ELF3: variants seen among roughly 807,000 people sequenced by gnomAD.
ELF3 encodes the protein E74 like ETS transcription factor 3.
A neutral mutation model predicts 43.9 loss-of-function variants in ELF3; 18 were observed. The ratio of observed to expected loss-of-function variants is 0.41; its 90% confidence interval spans 0.28 to 0.61. The LOEUF (loss-of-function observed/expected upper bound fraction) is 0.61, where lower values mean the gene tolerates loss of function less well. Ranked by LOEUF, ELF3 falls within the 20% of genes least tolerant of loss-of-function variation. The pLI is 0.30. For missense variants in ELF3, 373 were observed against 487.7 expected (o/e 0.76, Z 2.21); for synonymous variants, 181 against 190.2 (o/e 0.95, Z 0.40).
In ELF3 at chr1:202,012,636, C is replaced by T. The variant is rs375527447; in HGVS notation, c.479-4C>T. The T allele has an allele frequency of 8.6e-5, 136 of 1,588,744 alleles. No individual in the cohort carries two copies. The highest frequency in any genetic ancestry group is 1.1e-4 in the Non-Finnish European group (133 of 1,166,820). ...CTCTCTGAGTTCTCACCTCCTCTTC[C>T]CAGACCAGGGCAGCCCCTTTGCCCA... On this transcript the variant is annotated splice_region_variant and splice_polypyrimidine_tract_variant and intron_variant, in intron 4 of 8. Transcript: ENST00000367284. This position sits in a 1 kb window ranked among gnomAD's most constrained non-coding sequence, Gnocchi z 4.2.
Position 202,012,878 on chromosome 1 carries a change from C to T in ELF3, c.599-69C>T, listed in dbSNP as rs552102321. 1.3e-4 allele frequency: 209 copies of T among 1,563,816 alleles called. No individual in the cohort carries two copies. The highest frequency in any genetic ancestry group is 6.5e-4 in the Admixed American group (35 of 53,956). ...ACAGGAACAGGCTGGGAAGTGTGTC[C>T]TGAGAGCCAGCAGCGTGGTTGAGCA... On this transcript the variant is annotated intron_variant, in intron 5 of 8. Coordinates refer to ENST00000367284, the MANE Select transcript of ELF3 (RefSeq NM_004433.5). The surrounding 1 kb of genome is among the most constrained non-coding windows in gnomAD (Gnocchi z 4.2).
Position 202,015,415 on chromosome 1 carries a change from T to G in ELF3, c.*92T>G. 1 of 1,196,268 alleles carries G rather than the reference T, an allele frequency of 8.4e-7. No individual in the cohort carries two copies. The highest frequency in any genetic ancestry group is 1.2e-6 in the Non-Finnish European group (1 of 825,688). The allele number at this position is 1,196,268 out of a possible 1,614,324, so 74.1% of individuals were successfully genotyped here. A position where few individuals can be genotyped will look rare whatever the true frequency, so the allele number is the denominator to read the frequency against. On this transcript the variant is annotated 3_prime_UTR_variant, in exon 9 of 9. Coordinates refer to ENST00000367284, the MANE Select transcript of ELF3 (RefSeq NM_004433.5). Reference sequence around the variant, plus strand: ...CAGGCAGGCCAGATGGCCCCTCCACTGGGGAATGCTCCCAGCTGTGCTGTG... The same window carrying G: ...CAGGCAGGCCAGATGGCCCCTCCACGGGGGAATGCTCCCAGCTGTGCTGTG...
chr1:202,012,910 G>A lies in ELF3; in HGVS notation c.599-37G>A. On this transcript the variant is annotated intron_variant, in intron 5 of 8. Coordinates refer to ENST00000367284, the MANE Select transcript of ELF3 (RefSeq NM_004433.5). The surrounding 1 kb of genome is among the most constrained non-coding windows in gnomAD (Gnocchi z 4.2). ...CCAGCAGCGTGGTTGAGCAGAGGGT[G>A]GGCCGGCAGGGGACTTACTCTGACC... is the stretch of plus-strand genomic sequence containing the variant. 6.3e-7 allele frequency: 1 copy of A among 1,585,320 alleles called. No individual in the cohort carries two copies. Among genetic ancestry groups the A allele is most frequent in the Non-Finnish European group, 8.6e-7 (1 of 1,167,292 alleles).
chr1:202,013,428 C>T lies in ELF3; in HGVS notation c.805+130C>T. On this transcript the variant is annotated intron_variant, in intron 7 of 8. Transcript: ENST00000367284. This position sits in a 1 kb window ranked among gnomAD's most constrained non-coding sequence, Gnocchi z 5.7. Reference sequence around the variant, plus strand: ...GCATGGCCTTTGGTAAGGCTGTGCACAAGCTGGGGGCTCTATGGTATCGGT... The same window carrying T: ...GCATGGCCTTTGGTAAGGCTGTGCATAAGCTGGGGGCTCTATGGTATCGGT... The T allele has an allele frequency of 3.3e-6, 3 of 912,802 alleles. No individual in the cohort carries two copies. The Admixed American group carries it at 7.0e-5, about 21-fold the overall frequency. The allele number at this position is 912,802 out of a possible 1,614,324, so 56.5% of individuals were successfully genotyped here. A position where few individuals can be genotyped will look rare whatever the true frequency, so the allele number is the denominator to read the frequency against.
Position 202,016,170 on chromosome 1 carries a change from C to G in ELF3, c.*847C>G, listed in dbSNP as rs1370839213. ...TGTAGCAGGTGTGGGCTTACAGACA[C>G]ATGGACTGGGCTGGGAGGCGAGCAA... On this transcript the variant is annotated 3_prime_UTR_variant, in exon 9 of 9. Transcript: ENST00000367284. 6.5e-6 allele frequency: 1 copy of G among 152,914 alleles called. No homozygotes were observed. The highest frequency in any genetic ancestry group is 1.5e-5 in the Non-Finnish European group (1 of 68,310). The allele number at this position is 152,914 out of a possible 1,614,324, so 9.5% of individuals were successfully genotyped here. A position where few individuals can be genotyped will look rare whatever the true frequency, so the allele number is the denominator to read the frequency against.
rs1684309472 is a variant in ELF3 at position 202,016,325 on chromosome 1, T to C, written c.*1002T>C. The C allele has an allele frequency of 6.6e-6, 1 of 152,268 alleles. No homozygotes were observed. Among genetic ancestry groups the C allele is most frequent in the Non-Finnish European group, 1.5e-5 (1 of 68,056 alleles). 9.4% of individuals were successfully genotyped at this position (152,268 alleles called of 1,614,324 possible). A position where few individuals can be genotyped will look rare whatever the true frequency, so the allele number is the denominator to read the frequency against. The stretch of plus-strand genomic sequence containing the variant: ...TCGAGTGACCTTGACCTTGACCAAG[T>C]CTGTCCTGTTTAGGACTGATTTTTC... On this transcript the variant is annotated 3_prime_UTR_variant, in exon 9 of 9. Transcript: ENST00000367284.
In ELF3 at chr1:202,013,986, C is replaced by T. The variant is rs1472598927; in HGVS notation, c.963C>T (p.Asn321=). 1 of 1,613,730 alleles carries T rather than the reference C, an allele frequency of 6.2e-7. No individual in the cohort carries two copies. The highest frequency in any genetic ancestry group is 1.7e-5 in the Admixed American group (1 of 59,968). Residue 321 remains asparagine (N), a synonymous_variant, in exon 8 of 9, where the codon AAC becomes AAT. Transcript: ENST00000367284. This position sits in a 1 kb window ranked among gnomAD's most constrained non-coding sequence, Gnocchi z 5.7. The part of the protein sequence containing the change: ...VAQLWGQKKK[N]SNMTYEKLSR... ...AACTATGGGGCCAAAAGAAAAAGAA[C>T]AGCAACATGACCTACGAGAAGCTGA...
In ELF3 at chr1:202,016,819, A is replaced by G. The variant is rs2102996105; in HGVS notation, c.*1496A>G. 1 of 152,270 alleles carries G rather than the reference A, an allele frequency of 6.6e-6. No individual in the cohort carries two copies. The highest frequency in any genetic ancestry group is 1.9e-4 in the East Asian group (1 of 5,178). The allele number at this position is 152,270 out of a possible 1,614,324, so 9.4% of individuals were successfully genotyped here. A position where few individuals can be genotyped will look rare whatever the true frequency, so the allele number is the denominator to read the frequency against. On this transcript the variant is annotated 3_prime_UTR_variant, in exon 9 of 9. Coordinates refer to ENST00000367284, the MANE Select transcript of ELF3 (RefSeq NM_004433.5). ...TCATTTAATCCTCTCCTAAGAAGAGAGGAGACACAGCGTCCCCATTTGACA... is the reference window on the plus strand; with the variant it reads ...TCATTTAATCCTCTCCTAAGAAGAGGGGAGACACAGCGTCCCCATTTGACA...
rs935518880 is a variant in ELF3 at position 202,013,327 on chromosome 1, C to A, written c.805+29C>A. ...AGCTCCGGGGGCACGTGGGTCCTCC[C>A]TGCGCCGGGCTGAGCGGCTTCCTGG... On this transcript the variant is annotated intron_variant, in intron 7 of 8. Coordinates refer to ENST00000367284, the MANE Select transcript of ELF3 (RefSeq NM_004433.5). The surrounding 1 kb of genome is among the most constrained non-coding windows in gnomAD (Gnocchi z 5.7). The A allele has an allele frequency of 5.0e-6, 8 of 1,601,552 alleles. No homozygotes were observed. In the African/African-American group the frequency reaches 1.1e-4, roughly 21 times the overall value.
chr1:202,011,894 A>AAAGG, intron 2 of ELF3, 63 bp from the exon 3 acceptor site: 3 of 1,475,974 alleles, frequency 2.0e-6, no homozygotes, highest in African/African-American at 1.5e-5. Flanking sequence ...AAAAAAAAAA[A>AAAGG]TGGGGCTGTA....
chr1:202,012,293 C>A lies in ELF3; in HGVS notation c.386-51C>A. Reference sequence around the variant, plus strand: ...GGGCCAGCTGCACAGCCAGAGAGAGCCCTTGAGGGAGGGATTAGGGGAGTG... The same window carrying A: ...GGGCCAGCTGCACAGCCAGAGAGAGACCTTGAGGGAGGGATTAGGGGAGTG... On this transcript the variant is annotated intron_variant, in intron 3 of 8. Coordinates refer to ENST00000367284, the MANE Select transcript of ELF3 (RefSeq NM_004433.5). The surrounding 1 kb of genome is among the most constrained non-coding windows in gnomAD (Gnocchi z 4.2). 1 of 1,609,396 alleles carries A rather than the reference C, an allele frequency of 6.2e-7. No individual in the cohort carries two copies. The highest frequency in any genetic ancestry group is 8.5e-7 in the Non-Finnish European group (1 of 1,177,042).
Position 202,010,946 on chromosome 1 carries a change from G to A in ELF3, c.-8-183G>A. The A allele has an allele frequency of 1.6e-6, 1 of 612,022 alleles. No homozygotes were observed. Among genetic ancestry groups the A allele is most frequent in the South Asian group, 2.1e-5 (1 of 48,208 alleles). 37.9% of individuals were successfully genotyped at this position (612,022 alleles called of 1,614,324 possible). A position where few individuals can be genotyped will look rare whatever the true frequency, so the allele number is the denominator to read the frequency against. On this transcript the variant is annotated intron_variant, in intron 1 of 8. Transcript: ENST00000367284. The surrounding 1 kb of genome is among the most constrained non-coding windows in gnomAD (Gnocchi z 4.3). The stretch of plus-strand genomic sequence containing the variant: ...GAGGGAAGCCCAGCTGGAGGCTCCT[G>A]TGGTCCTGCCCTGGTCTGAGATCTT...
In ELF3 at chr1:202,012,019, A is replaced by T. The variant is rs1684207986; in HGVS notation, c.226A>T (p.Ile76Phe). 6.2e-7 allele frequency: 1 copy of T among 1,614,068 alleles called. No individual in the cohort carries two copies. Among genetic ancestry groups the T allele is most frequent in the Non-Finnish European group, 8.5e-7 (1 of 1,180,046 alleles). Residue 76 changes from isoleucine (I) to phenylalanine (F), a missense_variant, in exon 3 of 9, where the codon ATC becomes TTC. Physicochemically the swap from Ile to Phe is conservative, Grantham distance 21. This residue lies in a region of ELF3 where 311 missense variants were observed against 351.2 expected (regional missense o/e 0.89). Coordinates refer to ENST00000367284, the MANE Select transcript of ELF3 (RefSeq NM_004433.5). This position sits in a 1 kb window ranked among gnomAD's most constrained non-coding sequence, Gnocchi z 4.2. The stretch of plus-strand genomic sequence containing the variant: ...GTCGAAGACGCAGGTTCTGGACTGG[A>T]TCAGCTACCAAGTGGAGAAGAACAA... ...FWSKTQVLDW[I>F]SYQVEKNKYD...
intron 2 of ELF3, chr1:202,011,515 C>T: frequency 1.8e-6 from 1 of 564,428 alleles, no homozygotes; most frequent in Non-Finnish European, 3.0e-6. Context: ...AATGCTACCT[C>T]CTGCCCCTAC....
chr1:202,012,702 C>T lies in ELF3; in HGVS notation c.541C>T (p.Pro181Ser). ...CGGTCAGCAAGCCAGCCCCTACCAC[C>T]CCGGCAGCTGTGGCGCAGGAGCCCC... ...DDGQQASPYH[P>S]GSCGAGAPSP... Residue 181 changes from proline to serine, a missense_variant, in exon 5 of 9, where the codon CCC (proline) becomes TCC (serine). By Grantham distance (74) the Pro-to-Ser change is moderately conservative. This residue lies in a region of ELF3 where 311 missense variants were observed against 351.2 expected (regional missense o/e 0.89). Coordinates refer to ENST00000367284, the MANE Select transcript of ELF3 (RefSeq NM_004433.5). The surrounding 1 kb of genome is among the most constrained non-coding windows in gnomAD (Gnocchi z 4.2). The T allele has an allele frequency of 6.2e-7, 1 of 1,608,412 alleles. No homozygotes were observed. The highest frequency in any genetic ancestry group is 1.1e-5 in the South Asian group (1 of 90,544).
At chr1:202,014,999 G>A in intron 8 of ELF3, 1 of 541,666 alleles carries the variant, frequency 1.8e-6, no homozygotes, top group African/African-American at 1.9e-5. Context: ...CTGTGTCCTG[G>A]GCACGGTTAC....
chr1:202,014,075 G>A (rs1273316752), intron 8 of ELF3, 51 bp downstream of exon 8: 19 of 1,541,200 alleles, frequency 1.2e-5, no homozygotes, highest in Non-Finnish European at 1.5e-5. Flanking sequence ...GGGGACAGGC[G>A]CTCACACTCC....
Position 202,012,271 on chromosome 1 carries a change from C to G in ELF3, c.386-73C>G, listed in dbSNP as rs1252739815. Reference sequence around the variant, plus strand: ...CGTAGGCAGGCCCTGGAGCTCTGGGCCAGCTGCACAGCCAGAGAGAGCCCT... The same window carrying G: ...CGTAGGCAGGCCCTGGAGCTCTGGGGCAGCTGCACAGCCAGAGAGAGCCCT... On this transcript the variant is annotated intron_variant, in intron 3 of 8. Coordinates refer to ENST00000367284, the MANE Select transcript of ELF3 (RefSeq NM_004433.5). The surrounding 1 kb of genome is among the most constrained non-coding windows in gnomAD (Gnocchi z 4.2). The G allele has an allele frequency of 1.9e-6, 3 of 1,605,574 alleles. No homozygotes were observed. In the African/African-American group the frequency reaches 4.0e-5, roughly 21 times the overall value.
rs1014811523 is a variant in ELF3 at position 202,016,282 on chromosome 1, C to G, written c.*959C>G. On this transcript the variant is annotated 3_prime_UTR_variant, in exon 9 of 9. Coordinates refer to ENST00000367284, the MANE Select transcript of ELF3 (RefSeq NM_004433.5). ...TCAGAACACTGAGGTCAGAAGCATC[C>G]TGCTGTCATGACACCGCTCGAGTGA... The G allele has an allele frequency of 6.6e-5, 10 of 152,318 alleles. No homozygotes were observed. The highest frequency in any genetic ancestry group is 2.2e-4 in the African/African-American group (9 of 41,448). 9.4% of individuals were successfully genotyped at this position (152,318 alleles called of 1,614,324 possible). A position where few individuals can be genotyped will look rare whatever the true frequency, so the allele number is the denominator to read the frequency against.
Sources: gnomAD v4.1 joint callset for allele counts on GRCh38, gnomAD v4.1.1 for gene constraint, gnomAD v4.1.1 regional missense constraint, Gnocchi (gnomAD v3.1) non-coding constraint, MANE v1.5 for transcripts, NCBI Gene and HGNC (gene_info 2026-07-23, HGNC 2026-07-21) for gene names.